Variants in EPN1 observed in about 807,000 individuals in gnomAD.
EPN1 encodes the protein epsin-1.
A neutral mutation model predicts 56.9 loss-of-function variants in EPN1; 25 were observed. The observed-to-expected ratio is 0.44, with a 90% CI of 0.32 to 0.61. EPN1 has a LOEUF of 0.61. Among genes scored for constraint, EPN1 ranks in the 20% least tolerant of loss-of-function variants. The pLI is 0.05. For missense variants in EPN1, 785 were observed against 823.7 expected (o/e 0.95, Z 0.58); for synonymous variants, 411 against 361.8 (o/e 1.14, Z -1.54).
rs149161016 is a variant in EPN1, at chr19:55,702,672, T to A, written c.*7316T>A. 2.0e-5 allele frequency: 3 copies of A among 152,376 alleles called. No individual in the cohort carries two copies. The East Asian group carries it at 5.8e-4, about 29-fold the overall frequency. 9.4% of individuals were successfully genotyped at this position (152,376 alleles called of 1,614,324 possible). A position where few individuals can be genotyped will look rare whatever the true frequency, so the allele number is the denominator to read the frequency against. Reference sequence around the variant, plus strand: ...TGTTAGGAAGTTTTTTGCTGGGGACTCTCTTCGCCCTATCTACCTAAATGA... The same window carrying A: ...TGTTAGGAAGTTTTTTGCTGGGGACACTCTTCGCCCTATCTACCTAAATGA... On this transcript the variant is annotated 3_prime_UTR_variant, in exon 11 of 11. Transcript: ENST00000270460.
chr19:55,689,821 T>A lies in EPN1; in HGVS notation c.679-46T>A, dbSNP rs1030271689. The stretch of plus-strand genomic sequence containing the variant: ...TCCAGGCTGAGGTGGCATCTGCCCG[T>A]GGCTCACGTTCTCATGTCTCCCTGG... On this transcript the variant is annotated intron_variant, in intron 5 of 10. Coordinates refer to ENST00000270460, the MANE Select transcript of EPN1 (RefSeq NM_001130072.2). This position sits in a 1 kb window ranked among gnomAD's most constrained non-coding sequence, Gnocchi z 5.7. 1.0e-5 allele frequency: 16 copies of A among 1,552,200 alleles called. No individual in the cohort carries two copies. The highest frequency in any genetic ancestry group is 1.4e-5 in the Non-Finnish European group (16 of 1,144,462).
In EPN1 at chr19:55,689,846, G is replaced by A. The variant is rs745923943; in HGVS notation, c.679-21G>A. The A allele has an allele frequency of 1.1e-4, 182 of 1,585,318 alleles. No individual in the cohort carries two copies. Among genetic ancestry groups the A allele is most frequent in the Non-Finnish European group, 1.5e-4 (171 of 1,166,434 alleles). ...TGGCTCACGTTCTCATGTCTCCCTGGTCGTGCCCGTGCCCCAACAGGAGGA... is the reference window on the plus strand; with the variant it reads ...TGGCTCACGTTCTCATGTCTCCCTGATCGTGCCCGTGCCCCAACAGGAGGA... On this transcript the variant is annotated intron_variant, in intron 5 of 10. Coordinates refer to ENST00000270460, the MANE Select transcript of EPN1 (RefSeq NM_001130072.2). The surrounding 1 kb of genome is among the most constrained non-coding windows in gnomAD (Gnocchi z 5.7).
At chr19:55,693,122 C>T in intron 9 of EPN1, 85 bp downstream of exon 9, 1 of 1,371,970 alleles carries the variant, frequency 7.3e-7, no homozygotes. Context: ...GTCTTTGTCC[C>T]ACTCCAGGCA....
chr19:55,677,927 A>C (rs899628494), intron 1 of EPN1, among the ~76,000 whole-genome samples: 3 of 152,216 alleles, frequency 2.0e-5, no homozygotes, highest in African/African-American at 7.2e-5. Flanking sequence ...GGGAAAAGCC[A>C]CATGCAGACA....
chr19:55,679,279 G>A (rs34834404), intron 2 of EPN1, among the ~76,000 whole-genome samples: 20,122 of 152,322 alleles, frequency 0.13, 1,682 homozygotes, highest in South Asian at 0.21. Context: ...AGGACTCAGC[G>A]ACTGGGTTTT....
Position 55,689,643 on chromosome 19 carries a change from C to T in EPN1, c.679-224C>T, listed in dbSNP as rs1986403582. On this transcript the variant is annotated intron_variant, in intron 5 of 10. Coordinates refer to ENST00000270460, the MANE Select transcript of EPN1 (RefSeq NM_001130072.2). The surrounding 1 kb of genome is among the most constrained non-coding windows in gnomAD (Gnocchi z 5.7). ...AGATACCACCGAGGCGGGTGCCCGT[C>T]CTCCCCGGGTGCGCCAGCACAGCAC... 6.6e-6 allele frequency among the ~76,000 whole-genome samples: 1 copy of T among 152,212 alleles called. No individual in the cohort carries two copies.
rs1289544793 is a variant in EPN1, at chr19:55,702,656, G to GT, written c.*7306dup. The GT allele has an allele frequency of 6.6e-6, 1 of 152,308 alleles. No homozygotes were observed. Among genetic ancestry groups the GT allele is most frequent in the East Asian group, 1.9e-4 (1 of 5,180 alleles). 9.4% of individuals were successfully genotyped at this position (152,308 alleles called of 1,614,324 possible). On this transcript the variant is annotated 3_prime_UTR_variant, in exon 11 of 11. Transcript: ENST00000270460. The stretch of plus-strand genomic sequence containing the variant: ...TTTCTAAGCTGCTTTTTGTTAGGAA[G>GT]TTTTTTGCTGGGGACTCTCTTCGCC...
intron 3 of EPN1, among the ~76,000 whole-genome samples, chr19:55,687,984 C>G (rs569435367): frequency 1.3e-5 from 2 of 152,282 alleles, no homozygotes; most frequent in East Asian, 1.9e-4. Flanking sequence ...GGTGGGGACA[C>G]AAGTACAGGA....
chr19:55,689,012 G>C lies in EPN1; in HGVS notation c.603+18G>C. ...CCGACCAGGTACTGGGCGTGCAGCT[G>C]GGGCTGTCTGTCCGCCACCCGCCTC... On this transcript the variant is annotated intron_variant, in intron 4 of 10. Coordinates refer to ENST00000270460, the MANE Select transcript of EPN1 (RefSeq NM_001130072.2). The surrounding 1 kb of genome is among the most constrained non-coding windows in gnomAD (Gnocchi z 5.7). 2 of 1,579,704 alleles carry C rather than the reference G, an allele frequency of 1.3e-6. No homozygotes were observed. Among genetic ancestry groups the C allele is most frequent in the Non-Finnish European group, 1.7e-6 (2 of 1,165,872 alleles).
At position 55,709,124 on chromosome 19, in the gene EPN1, T is replaced by A; in HGVS notation, c.*13768T>A. Reference sequence around the variant, plus strand: ...GCCTCTCTACATTCTGATGTCTACCTCTCCTCTCCTCTTTATTCTTTCCTA... The same window carrying A: ...GCCTCTCTACATTCTGATGTCTACCACTCCTCTCCTCTTTATTCTTTCCTA... On this transcript the variant is annotated 3_prime_UTR_variant, in exon 11 of 11. Transcript: ENST00000270460. The A allele has an allele frequency of 1.1e-6, 1 of 915,032 alleles. No homozygotes were observed. Among genetic ancestry groups the A allele is most frequent in the Non-Finnish European group, 1.6e-6 (1 of 627,000 alleles). 56.7% of individuals were successfully genotyped at this position (915,032 alleles called of 1,614,324 possible).
intron 2 of EPN1, among the ~76,000 whole-genome samples, chr19:55,682,485 C>G (rs994145291): frequency 6.6e-6 from 1 of 152,180 alleles, no homozygotes; most frequent in African/African-American, 2.4e-5. Context: ...TTGACATGTT[C>G]TCGGCTCACT....
At position 55,689,024 on chromosome 19, in the gene EPN1, C is replaced by T. The variant is rs1986356074; in HGVS notation, c.603+30C>T. ...TGGGCGTGCAGCTGGGGCTGTCTGT[C>T]CGCCACCCGCCTCCACGCCTCACTT... is the stretch of plus-strand genomic sequence containing the variant. On this transcript the variant is annotated intron_variant, in intron 4 of 10. Coordinates refer to ENST00000270460, the MANE Select transcript of EPN1 (RefSeq NM_001130072.2). This position sits in a 1 kb window ranked among gnomAD's most constrained non-coding sequence, Gnocchi z 5.7. The T allele has an allele frequency of 1.3e-6, 2 of 1,559,230 alleles. No homozygotes were observed.
intron 2 of EPN1, among the ~76,000 whole-genome samples, chr19:55,679,188 T>C (rs770579383): frequency 7.2e-5 from 11 of 152,168 alleles, no homozygotes; most frequent in Non-Finnish European, 1.6e-4. Flanking sequence ...GCCCCATCTA[T>C]GAATGCCTCT....
Position 55,705,101 on chromosome 19 carries a change from G to A in EPN1, c.*9745G>A, listed in dbSNP as rs1348717529. 2 of 152,260 alleles carry A rather than the reference G, an allele frequency of 1.3e-5. No homozygotes were observed. Among genetic ancestry groups the A allele is most frequent in the African/African-American group, 4.8e-5 (2 of 41,466 alleles). The allele number at this position is 152,260 out of a possible 1,614,324, so 9.4% of individuals were successfully genotyped here. ...AAGCCACTCAGCCTGGGCTGCAGAG[G>A]TTGGAAGCCTCACTGGCCTGAGGTT... On this transcript the variant is annotated 3_prime_UTR_variant, in exon 11 of 11. Coordinates refer to ENST00000270460, the MANE Select transcript of EPN1 (RefSeq NM_001130072.2).
Position 55,694,817 on chromosome 19 carries a change from GGGCAGCCCCCCAC to G in EPN1, c.1357_1369del (p.Gly453LeufsTer32). 6.2e-7 allele frequency: 1 copy of G among 1,610,160 alleles called. No homozygotes were observed. Among genetic ancestry groups the G allele is most frequent in the Non-Finnish European group, 8.5e-7 (1 of 1,178,530 alleles). On this transcript the variant is annotated frameshift_variant, in exon 10 of 11. Coordinates refer to ENST00000270460, the MANE Select transcript of EPN1 (RefSeq NM_001130072.2). LOFTEE classifies it high-confidence loss of function. The surrounding 1 kb of genome is among the most constrained non-coding windows in gnomAD (Gnocchi z 4.2). ...TCAGGGGATCTCTGGCTGAGGCTGT[GGGCAGCCCCCCAC>G]CTGCAGCCACACCAACTCCCACGCC...
rs1164644342 is a variant in EPN1 at position 55,704,430 on chromosome 19, G to C, written c.*9074G>C. ...AATCCAATCTGACTGTTATATAGTG[G>C]GGTTGCACCTTCATGTGAGGACGCC... is the stretch of plus-strand genomic sequence containing the variant. On this transcript the variant is annotated 3_prime_UTR_variant, in exon 11 of 11. Transcript: ENST00000270460. The C allele has an allele frequency of 6.6e-6, 1 of 152,186 alleles. No homozygotes were observed. The highest frequency in any genetic ancestry group is 1.5e-5 in the Non-Finnish European group (1 of 68,064). 9.4% of individuals were successfully genotyped at this position (152,186 alleles called of 1,614,324 possible). A position where few individuals can be genotyped will look rare whatever the true frequency, so the allele number is the denominator to read the frequency against.
chr19:55,679,457 C>G (rs113683664), intron 2 of EPN1, among the ~76,000 whole-genome samples: 2,497 of 152,330 alleles, frequency 0.016, 31 homozygotes, highest in Non-Finnish European at 0.025. Context: ...TGTGAGGGCC[C>G]ATGGAGCCGA....
chr19:55,692,432 A>T (rs1986621278), intron 7 of EPN1, among the ~76,000 whole-genome samples: 1 of 150,804 alleles, frequency 6.6e-6, no homozygotes, highest in Non-Finnish European at 1.5e-5. Context: ...GAGCCGTGGG[A>T]GCTGAGGGAG....
intron 2 of EPN1, 149 bp from the exon 3 acceptor site, chr19:55,685,247 C>A: frequency 1.0e-6 from 1 of 981,736 alleles, no homozygotes; most frequent in Non-Finnish European, 1.5e-6. Context: ...GTGTCGTATT[C>A]TGTGGGGACA....
Sources: allele counts gnomAD v4.1 joint callset (sites outside exome capture counted in the v4.1 genomes callset), GRCh38; gene constraint gnomAD v4.1.1; non-coding constraint Gnocchi (gnomAD v3.1); transcripts MANE v1.5; gene names NCBI Gene and HGNC (gene_info 2026-07-23, HGNC 2026-07-21).